PRKAA2: variants seen among roughly 807,000 people sequenced by gnomAD.
The protein encoded by PRKAA2 is 5'-AMP-activated protein kinase catalytic subunit alpha-2.
A neutral mutation model predicts 56.3 loss-of-function variants in PRKAA2; 40 were observed. The observed-to-expected ratio is 0.71, with a 90% CI of 0.55 to 0.92. The LOEUF is 0.92. Among genes scored for constraint, PRKAA2 ranks in the 40% least tolerant of loss-of-function variants. The pLI is 0.00. For synonymous variants in PRKAA2, 214 were observed against 234.2 expected, an observed-to-expected ratio of 0.91 and a Z score of 0.79; for missense variants, 542 against 686.9, an observed-to-expected ratio of 0.79 and a Z score of 2.36.
At chr1:56,657,420 G>A (rs897455957) in intron 1 of PRKAA2, among the ~76,000 whole-genome samples, 5 of 152,218 alleles carry the variant, frequency 3.3e-5, no homozygotes, top group African/African-American at 1.2e-4. Context: ...GCTCATGCCT[G>A]TAATCCCAGC....
intron 1 of PRKAA2, among the ~76,000 whole-genome samples, chr1:56,653,528 A>G (rs1457025487): frequency 1.3e-5 from 2 of 152,108 alleles, no homozygotes; most frequent in Non-Finnish European, 2.9e-5. Context: ...GTCAAACTCA[A>G]TCTGTAAAAA....
chr1:56,714,926 A>G lies in PRKAA2; in HGVS notation c.*7213A>G, dbSNP rs971793715. ...ACCTTTGAAAAAGAAAAAAAAATCC[A>G]TAGGTTGATACATTGACCCATTGAA... On this transcript the variant is annotated 3_prime_UTR_variant, in exon 9 of 9. Coordinates refer to ENST00000371244, the MANE Select transcript of PRKAA2 (RefSeq NM_006252.4). 3.3e-5 allele frequency: 5 copies of G among 152,098 alleles called. No homozygotes were observed. The highest frequency in any genetic ancestry group is 7.2e-5 in the African/African-American group (3 of 41,436). 9.4% of individuals were successfully genotyped at this position (152,098 alleles called of 1,614,324 possible). A position where few individuals can be genotyped will look rare whatever the true frequency, so the allele number is the denominator to read the frequency against.
Position 56,714,094 on chromosome 1 carries a change from T to G in PRKAA2, c.*6381T>G, listed in dbSNP as rs887606541. ...TATTTTCCTATTTCTTTCATGTTGA[T>G]TGACTTTATAAGTCACCTTGGTAAA... On this transcript the variant is annotated 3_prime_UTR_variant, in exon 9 of 9. Transcript: ENST00000371244. The G allele has an allele frequency of 6.6e-6, 1 of 152,166 alleles. No homozygotes were observed. The highest frequency in any genetic ancestry group is 6.6e-5 in the Admixed American group (1 of 15,266). The allele number at this position is 152,166 out of a possible 1,614,324, so 9.4% of individuals were successfully genotyped here. A position where few individuals can be genotyped will look rare whatever the true frequency, so the allele number is the denominator to read the frequency against.
At position 56,714,557 on chromosome 1, in the gene PRKAA2, T is replaced by G. The variant is rs1644393331; in HGVS notation, c.*6844T>G. ...CTCAAGTATTCAAATATCAAACTTG[T>G]CCTGTGTTGTAACAAATATTCAGAA... On this transcript the variant is annotated 3_prime_UTR_variant, in exon 9 of 9. Coordinates refer to ENST00000371244, the MANE Select transcript of PRKAA2 (RefSeq NM_006252.4). 1 of 152,190 alleles carries G rather than the reference T, an allele frequency of 6.6e-6. No individual in the cohort carries two copies. The highest frequency in any genetic ancestry group is 1.5e-5 in the Non-Finnish European group (1 of 68,020). The allele number at this position is 152,190 out of a possible 1,614,324, so 9.4% of individuals were successfully genotyped here. A position where few individuals can be genotyped will look rare whatever the true frequency, so the allele number is the denominator to read the frequency against.
intron 1 of PRKAA2, among the ~76,000 whole-genome samples, chr1:56,661,894 C>G (rs1431418914): frequency 1.7e-4 from 1 of 5,932 alleles, no homozygotes; most frequent in East Asian, 0.01. Context: ...GTTACAACCA[C>G]AGGTGTTTTT....
chr1:56,680,162 G>A (rs1257074238), intron 2 of PRKAA2, among the ~76,000 whole-genome samples: 2 of 152,042 alleles, frequency 1.3e-5, no homozygotes, highest in East Asian at 1.9e-4. Context: ...ATTGTCTGAG[G>A]ATCAACTGTA....
chr1:56,702,153 G>A (rs1569792777), intron 6 of PRKAA2, among the ~76,000 whole-genome samples: 2 of 150,532 alleles, frequency 1.3e-5, no homozygotes, highest in Non-Finnish European at 3.0e-5. Context: ...GCACGATCTC[G>A]GCTCACCGCA....
chr1:56,667,117 G>A (rs1644041719), intron 1 of PRKAA2, among the ~76,000 whole-genome samples: 1 of 152,156 alleles, frequency 6.6e-6, no homozygotes, highest in South Asian at 2.1e-4. Flanking sequence ...AGCAATTAGT[G>A]GAAAGAGAAG....
At chr1:56,647,018 TAG>T (rs1199430501) in intron 1 of PRKAA2, among the ~76,000 whole-genome samples, 1 of 152,164 alleles carries the variant, frequency 6.6e-6, no homozygotes, top group East Asian at 1.9e-4. Context: ...GAAGGGAAGA[TAG>T]AGAGTCTTGT....
At chr1:56,663,423 C>T (rs1462221440) in intron 1 of PRKAA2, among the ~76,000 whole-genome samples, 1 of 152,214 alleles carries the variant, frequency 6.6e-6, no homozygotes, top group African/African-American at 2.4e-5. Flanking sequence ...TGTACTTTAA[C>T]TGGACCACTT....
At chr1:56,676,108 G>T (rs1644111167) in intron 2 of PRKAA2, among the ~76,000 whole-genome samples, 2 of 152,148 alleles carry the variant, frequency 1.3e-5, no homozygotes, top group African/African-American at 2.4e-5. Context: ...TTTACTTGAT[G>T]ACAAGAGTAG....
At position 56,711,255 on chromosome 1, in the gene PRKAA2, C is replaced by T. The variant is rs1644367151; in HGVS notation, c.*3542C>T. ...TTTCTTATTCCCTAGACAGTTTGTACTCAGGGAATACAAATTGATTTTTAC... is the reference window on the plus strand; with the variant it reads ...TTTCTTATTCCCTAGACAGTTTGTATTCAGGGAATACAAATTGATTTTTAC... On this transcript the variant is annotated 3_prime_UTR_variant, in exon 9 of 9. Transcript: ENST00000371244. 6.6e-6 allele frequency: 1 copy of T among 152,000 alleles called. No individual in the cohort carries two copies. Among genetic ancestry groups the T allele is most frequent in the Non-Finnish European group, 1.5e-5 (1 of 67,960 alleles). 9.4% of individuals were successfully genotyped at this position (152,000 alleles called of 1,614,324 possible). A position where few individuals can be genotyped will look rare whatever the true frequency, so the allele number is the denominator to read the frequency against.
intron 1 of PRKAA2, among the ~76,000 whole-genome samples, chr1:56,660,501 G>A (rs1340643055): frequency 6.6e-6 from 1 of 152,060 alleles, no homozygotes; most frequent in Non-Finnish European, 1.5e-5. Flanking sequence ...CTCCATACTT[G>A]ATTATTTTCA....
chr1:56,648,406 G>A lies in PRKAA2; in HGVS notation c.94+2925G>A, dbSNP rs1197743991. On this transcript the variant is annotated intron_variant, in intron 1 of 8. Coordinates refer to ENST00000371244, the MANE Select transcript of PRKAA2 (RefSeq NM_006252.4). ...TGCCATTAATTTGTTCCTTTTTATA[G>A]TTGAATAATATTCCATTGTGTGGAT... Among the ~76,000 whole-genome samples the A allele has an allele frequency of 3.3e-5, 5 of 152,098 alleles. No homozygotes were observed. In the East Asian group the frequency reaches 9.6e-4, roughly 29 times the overall value.
chr1:56,687,524 C>T (rs1258167685), intron 2 of PRKAA2, among the ~76,000 whole-genome samples: 1 of 151,976 alleles, frequency 6.6e-6, no homozygotes, highest in Non-Finnish European at 1.5e-5. Context: ...ATGGGGAAGG[C>T]GGATCCCTAT....
intron 2 of PRKAA2, among the ~76,000 whole-genome samples, chr1:56,677,391 T>C (rs1182555477): frequency 6.6e-6 from 1 of 152,164 alleles, no homozygotes; most frequent in Non-Finnish European, 1.5e-5. Context: ...CCACTTCCTA[T>C]GAGAAGAGAA....
chr1:56,705,784 T>C (rs1400480117), intron 7 of PRKAA2, among the ~76,000 whole-genome samples: 1 of 152,186 alleles, frequency 6.6e-6, no homozygotes, highest in Non-Finnish European at 1.5e-5. Context: ...TGTTTTAGAG[T>C]TGATGCTTAT....
intron 1 of PRKAA2, among the ~76,000 whole-genome samples, chr1:56,660,630 C>G (rs771471944): frequency 1.0e-3 from 154 of 152,182 alleles, no homozygotes; most frequent in Non-Finnish European, 1.7e-3. Flanking sequence ...AAGTGAGCAC[C>G]CTTGATACGT....
intron 2 of PRKAA2, among the ~76,000 whole-genome samples, chr1:56,685,556 A>G (rs1197907968): frequency 1.3e-5 from 2 of 152,196 alleles, no homozygotes; most frequent in Admixed American, 1.3e-4. Context: ...GTGGCTTCCA[A>G]TGTGTCAGAA....
Sources: allele counts gnomAD v4.1 joint callset (sites outside exome capture counted in the v4.1 genomes callset), GRCh38; gene constraint gnomAD v4.1.1; transcripts MANE v1.5; gene names NCBI Gene and HGNC (gene_info 2026-07-23, HGNC 2026-07-21).